The following CDH20 variants were observed in gnomAD, a reference collection of about 807,000 sequenced individuals.
The protein encoded by CDH20 is cadherin-20.
CDH20 carries 29 observed loss-of-function variants against 74.2 expected under a neutral mutation model. The observed-to-expected ratio is 0.39, with a 90% CI of 0.29 to 0.53. CDH20 has a LOEUF of 0.53. Among genes scored for constraint, CDH20 ranks in the 20% least tolerant of loss-of-function variants. CDH20 has a pLI of 0.69. For missense variants in CDH20, 988 were observed against 1,048.3 expected, an observed-to-expected ratio of 0.94 and a Z score of 0.79; for synonymous variants, 469 against 405.4, an observed-to-expected ratio of 1.16 and a Z score of -1.88.
At position 61,550,090 on chromosome 18, in the gene CDH20, A is replaced by G; in HGVS notation, c.1761A>G (p.Thr587=). ...ADSGQPVLSS[T]GTLTIQVCSC... ...GCGGGCAGCCCGTGCTGAGCAGCAC[A>G]GGCACACTGACCATCCAAGTGTGCA... is the stretch of plus-strand genomic sequence containing the variant. Residue 587 remains threonine, a synonymous_variant, in exon 11 of 12, where the codon ACA becomes ACG. Transcript: ENST00000262717. 5 of 1,614,220 alleles carry G rather than the reference A, an allele frequency of 3.1e-6. No homozygotes were observed. The highest frequency in any genetic ancestry group is 4.2e-6 in the Non-Finnish European group (5 of 1,180,024).
intron 1 of CDH20, among the ~76,000 whole-genome samples, chr18:61,386,245 G>A (rs1194774492): frequency 6.6e-6 from 1 of 152,130 alleles, no homozygotes; most frequent in Non-Finnish European, 1.5e-5. Context: ...TAATCACCAA[G>A]GTAAGGATAT....
At chr18:61,381,681 C>T (rs1911437156) in intron 1 of CDH20, among the ~76,000 whole-genome samples, 1 of 152,176 alleles carries the variant, frequency 6.6e-6, no homozygotes, top group African/African-American at 2.4e-5. Flanking sequence ...ATATACAAGA[C>T]AATACACCTT....
intron 1 of CDH20, among the ~76,000 whole-genome samples, chr18:61,405,734 G>A (rs1000152756): frequency 6.6e-6 from 1 of 152,210 alleles, no homozygotes; most frequent in Non-Finnish European, 1.5e-5. Flanking sequence ...TTGTTAAAAT[G>A]CAAATTCTTG....
intron 1 of CDH20, among the ~76,000 whole-genome samples, chr18:61,455,044 G>A (rs1037656656): frequency 8.5e-5 from 13 of 152,128 alleles, no homozygotes; most frequent in Non-Finnish European, 1.0e-4. Context: ...TGGACTCATC[G>A]ATACAATGAT....
chr18:61,475,239 A>G (rs144175724), intron 1 of CDH20, among the ~76,000 whole-genome samples: 1 of 152,332 alleles, frequency 6.6e-6, no homozygotes, highest in East Asian at 1.9e-4. Context: ...CTTACAAGGT[A>G]GAAATGGTAG....
intron 1 of CDH20, among the ~76,000 whole-genome samples, chr18:61,399,959 T>C (rs190659970): frequency 4.9e-4 from 75 of 152,376 alleles, no homozygotes; most frequent in Non-Finnish European, 7.3e-4. Context: ...TTCTTAATTA[T>C]GCAGTTCATG....
chr18:61,543,864 T>C (rs538843800), intron 9 of CDH20, among the ~76,000 whole-genome samples: 1 of 152,136 alleles, frequency 6.6e-6, no homozygotes. Flanking sequence ...CCTGAAATAT[T>C]GGGCCAGTGA....
At chr18:61,528,856 A>G (rs1912542447) in intron 7 of CDH20, among the ~76,000 whole-genome samples, 1 of 152,206 alleles carries the variant, frequency 6.6e-6, no homozygotes, top group Admixed American at 6.5e-5. Context: ...AACAATATAT[A>G]CTACATATAT....
At chr18:61,513,997 G>T (rs962776410) in intron 6 of CDH20, among the ~76,000 whole-genome samples, 3 of 151,976 alleles carry the variant, frequency 2.0e-5, no homozygotes, top group Non-Finnish European at 2.9e-5. Context: ...CTCTTCTCAA[G>T]GAGTATCTTT....
At chr18:61,392,984 C>T (rs1395128054) in intron 1 of CDH20, among the ~76,000 whole-genome samples, 1 of 152,190 alleles carries the variant, frequency 6.6e-6, no homozygotes, top group African/African-American at 2.4e-5. Flanking sequence ...GTCAAATTTA[C>T]AGCAAACTCT....
chr18:61,478,853 T>G (rs1389832732), intron 1 of CDH20, among the ~76,000 whole-genome samples: 1 of 152,150 alleles, frequency 6.6e-6, no homozygotes, highest in African/African-American at 2.4e-5. Context: ...ATTTCTAATG[T>G]CTAGAAGAGC....
At position 61,550,185 on chromosome 18, in the gene CDH20, G is replaced by A. The variant is rs369830447; in HGVS notation, c.1856G>A (p.Arg619Gln). The stretch of plus-strand genomic sequence containing the variant: ...TACATGCTCCCAGTCAGTTTGAGCC[G>A]GGGCGCCCTCATTGCCATCCTCGCC... ...EAYMLPVSLS[R>Q]GALIAILACI... Residue 619 changes from arginine to glutamine, a missense_variant, in exon 11 of 12, where the codon CGG (arginine) becomes CAG (glutamine). By Grantham distance (43) the Arg-to-Gln change is conservative (BLOSUM62 1). Transcript: ENST00000262717. 2.6e-5 allele frequency: 42 copies of A among 1,613,842 alleles called. No homozygotes were observed. In the East Asian group the frequency reaches 4.9e-4, roughly 19 times the overall value.
chr18:61,342,449 T>G (rs114753619), intron 1 of CDH20, among the ~76,000 whole-genome samples: 1,854 of 152,302 alleles, frequency 0.012, 44 homozygotes, highest in African/African-American at 0.043. Context: ...CCCACGCCTG[T>G]GGTCTTCACC....
At chr18:61,515,937 T>TTA (rs1555682379) in intron 6 of CDH20, among the ~76,000 whole-genome samples, 1 of 151,770 alleles carries the variant, frequency 6.6e-6, no homozygotes, top group Non-Finnish European at 1.5e-5. Context: ...ATAATAATTT[T>TTA]AAAAAAAAGA....
chr18:61,423,055 G>T (rs933549556), intron 1 of CDH20, among the ~76,000 whole-genome samples: 15 of 152,272 alleles, frequency 9.9e-5, no homozygotes, highest in Non-Finnish European at 1.8e-4. Flanking sequence ...TTGTCAGTTG[G>T]TTTTTATTTC....
intron 7 of CDH20, among the ~76,000 whole-genome samples, chr18:61,531,408 C>T (rs1264973988): frequency 1.3e-5 from 2 of 152,176 alleles, no homozygotes; most frequent in Admixed American, 6.5e-5. Context: ...GACATGGCTC[C>T]GTGGACCACA....
In CDH20 at chr18:61,545,018, C is replaced by T; in HGVS notation, c.1531-9C>T. On this transcript the variant is annotated splice_polypyrimidine_tract_variant and intron_variant, in intron 9 of 11. Transcript: ENST00000262717. ...CTCCAACTCACCTGATTTCATGTCC[C>T]TCCCTCAGCTGATCCAGACAGTGAG... The T allele has an allele frequency of 6.3e-7, 1 of 1,590,122 alleles. No individual in the cohort carries two copies. The highest frequency in any genetic ancestry group is 2.2e-5 in the East Asian group (1 of 44,760).
intron 1 of CDH20, among the ~76,000 whole-genome samples, chr18:61,427,775 G>A (rs1913121569): frequency 6.6e-6 from 1 of 152,170 alleles, no homozygotes; most frequent in South Asian, 2.1e-4. Context: ...ATGATCTCTA[G>A]AATCCCCTCC....
At chr18:61,413,796 A>G (rs1405275793) in intron 1 of CDH20, among the ~76,000 whole-genome samples, 1 of 152,126 alleles carries the variant, frequency 6.6e-6, no homozygotes, top group African/African-American at 2.4e-5. Context: ...ACTGGGGCCT[A>G]CTTAAAAATG....
Sources: gnomAD v4.1 joint callset for allele counts (sites outside exome capture counted in the v4.1 genomes callset) on GRCh38, gnomAD v4.1.1 for gene constraint, MANE v1.5 for transcripts, NCBI Gene and HGNC (gene_info 2026-07-23, HGNC 2026-07-21) for gene names.